HTR4: variants seen among roughly 807,000 people sequenced by gnomAD.
The protein encoded by HTR4 is 5-hydroxytryptamine (serotonin) receptor 4, G protein-coupled.
A neutral mutation model predicts 36.8 loss-of-function variants in HTR4; 16 were observed. The ratio of observed to expected loss-of-function variants is 0.43; its 90% CI spans 0.29 to 0.66. The LOEUF is 0.66. HTR4 is among the 30% of genes least tolerant of loss of function. The pLI is 0.13. For synonymous variants in HTR4, 189 were observed against 185.1 expected (o/e 1.02, Z -0.17); for missense variants, 438 against 490.9 (o/e 0.89, Z 1.02).
chr5:148,614,494 C>T (rs1752579583), intron 2 of HTR4, among the ~76,000 whole-genome samples: 1 of 152,160 alleles, frequency 6.6e-6, no homozygotes. Context: ...AAAGCTGAAA[C>T]TGGATCCCTT....
chr5:148,525,392 C>T (rs1758222066), intron 4 of HTR4, among the ~76,000 whole-genome samples: 1 of 152,062 alleles, frequency 6.6e-6, no homozygotes, highest in African/African-American at 2.4e-5. Flanking sequence ...TTCCATTTAG[C>T]ATCCTTCTTC....
intron 2 of HTR4, among the ~76,000 whole-genome samples, chr5:148,605,591 C>G (rs1178074623): frequency 6.6e-6 from 1 of 152,010 alleles, no homozygotes; most frequent in Non-Finnish European, 1.5e-5. Flanking sequence ...AAAGCATGCT[C>G]TAGATCTTCA....
chr5:148,619,714 T>C (rs1240951460), intron 2 of HTR4, among the ~76,000 whole-genome samples: 2 of 152,124 alleles, frequency 1.3e-5, no homozygotes, highest in Non-Finnish European at 2.9e-5. Context: ...TGTGTGTGAT[T>C]TGCCTGGTCC....
chr5:148,468,444 T>G (rs1755486198), intron 5 of HTR4, among the ~76,000 whole-genome samples: 1 of 152,192 alleles, frequency 6.6e-6, no homozygotes, highest in African/African-American at 2.4e-5. Flanking sequence ...GACCTTACAC[T>G]TGTTTGCCTT....
chr5:148,451,846 T>G (rs1196499743), intron 5 of HTR4, among the ~76,000 whole-genome samples: 1 of 152,242 alleles, frequency 6.6e-6, no homozygotes, highest in Non-Finnish European at 1.5e-5. Context: ...ATTATTTTTC[T>G]GCCGTATCAT....
intron 3 of HTR4, among the ~76,000 whole-genome samples, chr5:148,549,826 A>C (rs1168439393): frequency 1.3e-5 from 2 of 152,112 alleles, no homozygotes; most frequent in African/African-American, 4.8e-5. Flanking sequence ...ATCTTCCCTA[A>C]ACCATTAATA....
chr5:148,451,853 T>C (rs1754981993), intron 5 of HTR4, among the ~76,000 whole-genome samples: 1 of 152,238 alleles, frequency 6.6e-6, no homozygotes, highest in African/African-American at 2.4e-5. Flanking sequence ...TTCTGCCGTA[T>C]CATACAATTG....
At chr5:148,583,949 A>G (rs1761250416) in intron 2 of HTR4, among the ~76,000 whole-genome samples, 1 of 152,184 alleles carries the variant, frequency 6.6e-6, no homozygotes, top group South Asian at 2.1e-4. Flanking sequence ...CTAGTGCAAA[A>G]TGCAGCCCTT....
chr5:148,518,738 A>G (rs1175871956), intron 5 of HTR4, among the ~76,000 whole-genome samples: 3 of 152,128 alleles, frequency 2.0e-5, no homozygotes, highest in Non-Finnish European at 4.4e-5. Flanking sequence ...CTTCTAGGCC[A>G]TTCCTTGAAC....
At chr5:148,465,884 T>C (rs1294677388) in intron 5 of HTR4, 4 of 1,613,512 alleles carry the variant, frequency 2.5e-6, no homozygotes, top group Non-Finnish European at 2.5e-6. Flanking sequence ...AACTGGTCTA[T>C]TGCAGAAGAG....
At chr5:148,530,588 T>C (rs1258268588) in intron 4 of HTR4, among the ~76,000 whole-genome samples, 1 of 152,186 alleles carries the variant, frequency 6.6e-6, no homozygotes, top group Admixed American at 6.5e-5. Flanking sequence ...AGGGCCCTCA[T>C]GGAGAACCTC....
intron 2 of HTR4, among the ~76,000 whole-genome samples, chr5:148,617,400 T>C (rs1377670060): frequency 6.6e-6 from 1 of 152,204 alleles, no homozygotes. Context: ...CTCAGGTATT[T>C]ACAGCAATGC....
intron 5 of HTR4, among the ~76,000 whole-genome samples, chr5:148,452,140 AT>A (rs1431691494): frequency 6.6e-6 from 1 of 152,190 alleles, no homozygotes; most frequent in Admixed American, 6.5e-5. Context: ...ACAATAATTT[AT>A]TGTTGATTTG....
At chr5:148,517,491 T>G (rs548079802) in intron 5 of HTR4, among the ~76,000 whole-genome samples, 1 of 152,248 alleles carries the variant, frequency 6.6e-6, no homozygotes, top group East Asian at 1.9e-4. Context: ...AAGCCAAGTG[T>G]TTGACTCTCC....
At chr5:148,493,146 C>A (rs1346375903) in intron 6 of HTR4, among the ~76,000 whole-genome samples, 1 of 152,122 alleles carries the variant, frequency 6.6e-6, no homozygotes, top group Non-Finnish European at 1.5e-5. Context: ...TGCTATTTTC[C>A]TGGTGTGATC....
At chr5:148,646,012 A>G (rs1753868753) in intron 1 of HTR4, 2 of 152,258 alleles carry the variant, frequency 1.3e-5, no homozygotes, top group Non-Finnish European at 2.9e-5. Flanking sequence ...ACTCTTTACA[A>G]CTAGTATTTT....
At chr5:148,592,154 T>C (rs1761597933) in intron 2 of HTR4, among the ~76,000 whole-genome samples, 2 of 152,172 alleles carry the variant, frequency 1.3e-5, no homozygotes, top group Non-Finnish European at 2.9e-5. Flanking sequence ...AAATAACATG[T>C]TCTCACTGAC....
intron 4 of HTR4, among the ~76,000 whole-genome samples, chr5:148,527,338 T>C (rs558744848): frequency 3.9e-5 from 6 of 152,322 alleles, no homozygotes; most frequent in African/African-American, 1.4e-4. Context: ...GGCTTTAGAA[T>C]GTATGGTTAT....
At chr5:148,603,552 A>G (rs1395708393) in intron 2 of HTR4, among the ~76,000 whole-genome samples, 4 of 152,088 alleles carry the variant, frequency 2.6e-5, no homozygotes, top group Non-Finnish European at 4.4e-5. Context: ...TAAGAAAACA[A>G]AGTACAAAGT....
Sources: allele counts gnomAD v4.1 joint callset (sites outside exome capture counted in the v4.1 genomes callset), GRCh38; gene constraint gnomAD v4.1.1; transcripts MANE v1.5; gene names NCBI Gene and HGNC (gene_info 2026-07-23, HGNC 2026-07-21).